Variants in SLC13A3 observed in about 807,000 individuals in gnomAD.
SLC13A3 encodes the protein solute carrier family 13 member 3, also known as Na(+)/dicarboxylate cotransporter 3.
Under a neutral mutation model 59.0 loss-of-function variants are expected in SLC13A3, and 40 were observed. The ratio of observed to expected loss-of-function variants is 0.68; its 90% confidence interval spans 0.53 to 0.88. The LOEUF is 0.88. Ranked by LOEUF, SLC13A3 falls within the 40% of genes least tolerant of loss-of-function variation. The pLI, the probability that SLC13A3 is intolerant of heterozygous loss-of-function variation, is 0.00. For synonymous variants in SLC13A3, 317 were observed against 330.3 expected (o/e 0.96, Z 0.44); for missense variants, 699 against 783.2 (o/e 0.89, Z 1.28).
rs2062852363 is a variant in SLC13A3, at chr20:46,642,251, GGGGA to G, written c.111+9056_111+9059del. On this transcript the variant is annotated intron_variant, in intron 1 of 12. Coordinates refer to ENST00000279027, the MANE Select transcript of SLC13A3 (RefSeq NM_022829.6). Reference sequence around the variant, plus strand: ...TCCATTACCATTAAAACAGACACAAGGGGACAGGTGGGCAGGAGCTGGATGACAC... The same window carrying G: ...TCCATTACCATTAAAACAGACACAAGCAGGTGGGCAGGAGCTGGATGACAC... Among the ~76,000 whole-genome samples, 4 of 152,338 alleles carry G rather than the reference GGGGA, an allele frequency of 2.6e-5. No individual in the cohort carries two copies. The South Asian group carries it at 8.3e-4, about 32-fold the overall frequency.
intron 1 of SLC13A3, among the ~76,000 whole-genome samples, chr20:46,631,969 T>G (rs2062742666): frequency 6.6e-6 from 1 of 152,292 alleles, no homozygotes; most frequent in South Asian, 2.1e-4. Flanking sequence ...TTCAGGACAC[T>G]GCCTCCACCA....
intron 3 of SLC13A3, among the ~76,000 whole-genome samples, chr20:46,606,298 C>CA (rs1287392324): frequency 6.6e-6 from 1 of 152,168 alleles, no homozygotes; most frequent in Admixed American, 6.5e-5. Flanking sequence ...ATACAACTGC[C>CA]ATATATTAAC....
intron 1 of SLC13A3, among the ~76,000 whole-genome samples, chr20:46,666,354 C>A (rs1050604844): frequency 6.6e-6 from 1 of 152,168 alleles, no homozygotes; most frequent in African/African-American, 2.4e-5. Context: ...GGTTTGGAGT[C>A]AGAAACATTG....
intron 1 of SLC13A3, among the ~76,000 whole-genome samples, chr20:46,675,387 G>A (rs1277520254): frequency 3.4e-5 from 5 of 147,292 alleles, no homozygotes; most frequent in Admixed American, 6.8e-5. Flanking sequence ...ATGCTGCCAC[G>A]CCCAGCTAAT....
intron 10 of SLC13A3, 95 bp downstream of exon 10, chr20:46,575,478 C>T (rs1227943090): frequency 4.0e-5 from 26 of 646,242 alleles, no homozygotes; most frequent in Non-Finnish European, 6.2e-5. Context: ...CCGTGCAGCT[C>T]ACCTGCTCTG....
intron 6 of SLC13A3, among the ~76,000 whole-genome samples, chr20:46,589,647 A>G (rs1568923896): frequency 6.6e-6 from 1 of 152,260 alleles, no homozygotes; most frequent in Non-Finnish European, 1.5e-5. Flanking sequence ...AAATGGTATC[A>G]GACATATAGA....
At chr20:46,575,520 C>T (rs1404363817) in intron 10 of SLC13A3, 53 bp downstream of exon 10, 4 of 1,132,518 alleles carry the variant, frequency 3.5e-6, no homozygotes, top group Admixed American at 2.2e-5. Flanking sequence ...CTGGGACCCG[C>T]CCACACCTGC....
chr20:46,608,284 A>G (rs770767332), intron 3 of SLC13A3, among the ~76,000 whole-genome samples: 11 of 152,252 alleles, frequency 7.2e-5, no homozygotes, highest in Non-Finnish European at 1.0e-4. Flanking sequence ...ATGAAATTTT[A>G]ATTTCAGCAC....
intron 1 of SLC13A3, among the ~76,000 whole-genome samples, chr20:46,632,465 G>A (rs941205): frequency 0.19 from 23,117 of 121,694 alleles, 2,328 homozygotes; most frequent in African/African-American, 0.27. Context: ...CCCCAAGGGG[G>A]AAAAAAAAAA....
At chr20:46,632,971 T>G (rs897983218) in intron 1 of SLC13A3, among the ~76,000 whole-genome samples, 1 of 132,208 alleles carries the variant, frequency 7.6e-6, no homozygotes, top group Admixed American at 7.5e-5. Flanking sequence ...ATCTATCTGT[T>G]TATGTATCTA....
chr20:46,677,778 GACAA>G (rs557546507), intron 1 of SLC13A3, among the ~76,000 whole-genome samples: 123 of 152,170 alleles, frequency 8.1e-4, no homozygotes, highest in Non-Finnish European at 1.4e-3. Flanking sequence ...CCAGCGTGAT[GACAA>G]ACAGTGACTC....
At chr20:46,608,741 T>C in intron 3 of SLC13A3, 1 of 1,020,882 alleles carries the variant, frequency 9.8e-7, no homozygotes. Flanking sequence ...TTTAATTTAA[T>C]TCATATTTTA....
In SLC13A3 at chr20:46,596,242, A is replaced by G. The variant is rs1241726078; in HGVS notation, c.709T>C (p.Ser237Pro). The change falls in exon 5 of 13, where the codon TCC becomes CCC. Residue 237 changes from serine (S) to proline (P), a missense_variant. Transcript: ENST00000279027. ...RRNIWKGFLI[S>P]IPYSASIGGT... is the part of the protein sequence containing the mutation. ...CCAATACTGGCTGAGTAGGGGATGGAGATGAGGAAGCCCTTCCAGATGTTC... is the reference window on the plus strand; with the variant it reads ...CCAATACTGGCTGAGTAGGGGATGGGGATGAGGAAGCCCTTCCAGATGTTC... The G allele has an allele frequency of 6.2e-7, 1 of 1,613,988 alleles. No homozygotes were observed. The highest frequency in any genetic ancestry group is 1.7e-5 in the Admixed American group (1 of 59,996).
intron 1 of SLC13A3, among the ~76,000 whole-genome samples, chr20:46,614,372 ACT>A (rs1275749697): frequency 6.6e-6 from 1 of 152,200 alleles, no homozygotes; most frequent in African/African-American, 2.4e-5. Context: ...GAGGGCTGAT[ACT>A]GGGAGCATTA....
chr20:46,651,793 G>C (rs900230432), upstream of SLC13A3, among the ~76,000 whole-genome samples: 1 of 152,206 alleles, frequency 6.6e-6, no homozygotes, highest in Non-Finnish European at 1.5e-5. Context: ...CCTATTACCC[G>C]GGTTCAAATC....
chr20:46,586,889 T>C (rs892266723), intron 8 of SLC13A3, among the ~76,000 whole-genome samples: 5 of 152,228 alleles, frequency 3.3e-5, no homozygotes, highest in African/African-American at 1.2e-4. Context: ...ACATTTGACA[T>C]TGGAGTATGA....
chr20:46,572,754 C>T (rs953859537), intron 10 of SLC13A3, among the ~76,000 whole-genome samples: 1 of 152,116 alleles, frequency 6.6e-6, no homozygotes, highest in East Asian at 1.9e-4. Context: ...CAGGTGGGTG[C>T]CGTTGTGATT....
At chr20:46,583,493 G>C in intron 9 of SLC13A3, 79 bp downstream of exon 9, 1 of 1,568,622 alleles carries the variant, frequency 6.4e-7, no homozygotes, top group Non-Finnish European at 8.6e-7. Flanking sequence ...TGCAGTGGGG[G>C]GCTCCAGGCC....
intron 1 of SLC13A3, among the ~76,000 whole-genome samples, chr20:46,618,352 A>G (rs950947392): frequency 6.6e-6 from 1 of 152,246 alleles, no homozygotes. Context: ...AGTTTAAGAC[A>G]GTGAGCTATG....
Sources: allele counts gnomAD v4.1 joint callset (sites outside exome capture counted in the v4.1 genomes callset), GRCh38; gene constraint gnomAD v4.1.1; transcripts MANE v1.5; gene names NCBI Gene and HGNC (gene_info 2026-07-23, HGNC 2026-07-21).